The following NETO1 variants were observed in gnomAD, a reference collection of about 807,000 sequenced individuals.
NETO1 encodes neuropilin and tolloid like 1, also known as neuropilin and tolloid-like protein 1.
A neutral mutation model predicts 61.3 loss-of-function variants in NETO1; 26 were observed. That is an observed-to-expected ratio of 0.42 (90% CI 0.31 to 0.59). NETO1 has a LOEUF of 0.59. Ranked by LOEUF, NETO1 falls within the 20% of genes least tolerant of loss-of-function variation. The pLI, the probability that NETO1 is intolerant of heterozygous loss-of-function variation, is 0.12. For synonymous variants in NETO1, 225 were observed against 225.8 expected (o/e 1.00, Z 0.03); for missense variants, 531 against 662.8 (o/e 0.80, Z 2.18).
intron 6 of NETO1, among the ~76,000 whole-genome samples, chr18:72,790,088 G>A (rs1055801829): frequency 9.2e-5 from 14 of 152,046 alleles, no homozygotes; most frequent in Admixed American, 6.6e-5. Flanking sequence ...ACCACAAATT[G>A]AGTCAACTTT....
intron 8 of NETO1, among the ~76,000 whole-genome samples, chr18:72,753,431 A>T (rs11875320): frequency 0.13 from 20,243 of 152,250 alleles, 1,571 homozygotes; most frequent in Middle Eastern, 0.19. Context: ...ATACCTGTCA[A>T]CCAAAAACCC....
At chr18:72,766,437 A>G (rs2071164432) in intron 7 of NETO1, among the ~76,000 whole-genome samples, 1 of 152,106 alleles carries the variant, frequency 6.6e-6, no homozygotes, top group Non-Finnish European at 1.5e-5. Context: ...TAATTAGAGG[A>G]AATGACATTT....
chr18:72,748,795 T>C (rs2070492386), intron 10 of NETO1, among the ~76,000 whole-genome samples: 1 of 152,134 alleles, frequency 6.6e-6, no homozygotes, highest in Non-Finnish European at 1.5e-5. Context: ...AGTACAATTC[T>C]TGATGTTAAG....
At chr18:72,815,236 C>G (rs2072995688) in intron 4 of NETO1, among the ~76,000 whole-genome samples, 1 of 151,698 alleles carries the variant, frequency 6.6e-6, no homozygotes, top group African/African-American at 2.4e-5. Context: ...TAGAAGACAA[C>G]AAAAAAGAAT....
intron 4 of NETO1, among the ~76,000 whole-genome samples, chr18:72,836,804 G>A (rs1393012107): frequency 6.6e-6 from 1 of 152,116 alleles, no homozygotes; most frequent in Non-Finnish European, 1.5e-5. Flanking sequence ...GATACAATCA[G>A]ATTTTTGTTT....
rs2073855511 is a variant in NETO1 at position 72,839,516 on chromosome 18, T to TA, written c.469+19309dup. ...TGCATCTCTTTGAGAACTGGAGGTT[T>TA]AAGTGCCTAAAGGACTCCTAAGGTC... On this transcript the variant is annotated intron_variant, in intron 4 of 10. Coordinates refer to ENST00000327305, the MANE Select transcript of NETO1 (RefSeq NM_138966.5). Among the ~76,000 whole-genome samples, 6 of 152,332 alleles carry TA rather than the reference T, an allele frequency of 3.9e-5. No homozygotes were observed. In the South Asian group the frequency reaches 1.2e-3, roughly 32 times the overall value.
At chr18:72,834,918 A>G (rs2073695584) in intron 4 of NETO1, 1 of 752,384 alleles carries the variant, frequency 1.3e-6, no homozygotes, top group African/African-American at 1.9e-5. Flanking sequence ...TTTTAATATC[A>G]TATATAAAAT....
At chr18:72,748,859 A>T (rs1180675837) in intron 10 of NETO1, 155 bp downstream of exon 10, 1 of 154,206 alleles carries the variant, frequency 6.5e-6, no homozygotes, top group African/African-American at 2.4e-5. Context: ...TCTCCTATAA[A>T]CACTGAACCC....
chr18:72,853,804 C>G (rs1048615170), intron 4 of NETO1, among the ~76,000 whole-genome samples: 2 of 150,478 alleles, frequency 1.3e-5, no homozygotes, highest in African/African-American at 4.9e-5. Flanking sequence ...TTAAAACTTT[C>G]TAATTTTTCA....
chr18:72,820,039 G>T (rs2073142505), intron 4 of NETO1, among the ~76,000 whole-genome samples: 1 of 152,096 alleles, frequency 6.6e-6, no homozygotes, highest in African/African-American at 2.4e-5. Context: ...AGATAAAATG[G>T]TTTCTATTTT....
intron 6 of NETO1, among the ~76,000 whole-genome samples, chr18:72,793,014 C>G (rs903516474): frequency 3.3e-5 from 5 of 152,180 alleles, no homozygotes; most frequent in Non-Finnish European, 4.4e-5. Context: ...TTCTCTCTCT[C>G]TGTTATACCT....
At chr18:72,769,534 C>T (rs997629507) in intron 7 of NETO1, among the ~76,000 whole-genome samples, 3 of 152,068 alleles carry the variant, frequency 2.0e-5, no homozygotes, top group African/African-American at 7.2e-5. Flanking sequence ...TTCAGAAATT[C>T]CTATTTGTTG....
At chr18:72,770,539 T>G in intron 7 of NETO1, among the ~76,000 whole-genome samples, 1 of 152,124 alleles carries the variant, frequency 6.6e-6, no homozygotes, top group East Asian at 1.9e-4. Context: ...ATCTGGTATT[T>G]ATGCTACTAT....
In NETO1 at chr18:72,805,050, A is replaced by G. The variant is rs8086952; in HGVS notation, c.470-10646T>C. Among the ~76,000 whole-genome samples, 6 of 152,136 alleles carry G rather than the reference A, an allele frequency of 3.9e-5. No homozygotes were observed. The South Asian group carries it at 1.2e-3, about 31-fold the overall frequency. ...TTACATTTTTATCAAATAAATGATA[A>G]GTAAAATGTGGAAAAACTAAAGCCA... On this transcript the variant is annotated intron_variant, in intron 4 of 10. Coordinates refer to ENST00000327305, the MANE Select transcript of NETO1 (RefSeq NM_138966.5).
intron 4 of NETO1, chr18:72,835,361 T>C: frequency 2.0e-5 from 30 of 1,537,552 alleles, no homozygotes; most frequent in Non-Finnish European, 2.6e-5. Flanking sequence ...ATTAGACCAG[T>C]ATATGATCAG....
At chr18:72,750,875 A>ACACACC (rs2070583729) in intron 8 of NETO1, among the ~76,000 whole-genome samples, 1 of 32,106 alleles carries the variant, frequency 3.1e-5, no homozygotes, top group African/African-American at 9.1e-5. Flanking sequence ...CTTAAAATAC[A>ACACACC]CACACACACA....
intron 7 of NETO1, among the ~76,000 whole-genome samples, chr18:72,777,433 A>G (rs1244466115): frequency 1.9e-5 from 2 of 104,966 alleles, no homozygotes; most frequent in Non-Finnish European, 3.6e-5. Context: ...AAAAAAAACA[A>G]AACAACAACA....
At chr18:72,852,741 G>C (rs1333679111) in intron 4 of NETO1, among the ~76,000 whole-genome samples, 1 of 151,946 alleles carries the variant, frequency 6.6e-6, no homozygotes, top group East Asian at 1.9e-4. Flanking sequence ...CCAAGTCATG[G>C]ACTGGCCAGA....
chr18:72,763,600 A>AC (rs35945865), intron 7 of NETO1, among the ~76,000 whole-genome samples: 45,894 of 151,446 alleles, frequency 0.3, 8,007 homozygotes, highest in South Asian at 0.48. Context: ...CACACTCACA[A>AC]ACACACACAC....
Sources: gnomAD v4.1 joint callset for allele counts (sites outside exome capture counted in the v4.1 genomes callset) on GRCh38, gnomAD v4.1.1 for gene constraint, MANE v1.5 for transcripts, NCBI Gene and HGNC (gene_info 2026-07-23, HGNC 2026-07-21) for gene names.